PDE1C: variants seen among roughly 807,000 people sequenced by gnomAD.
PDE1C encodes dual specificity calcium/calmodulin-dependent 3',5'-cyclic nucleotide phosphodiesterase 1C.
PDE1C carries 62 observed loss-of-function variants against 93.1 expected under a neutral mutation model. The observed-to-expected ratio is 0.67, with a 90% confidence interval of 0.54 to 0.82. The LOEUF is 0.82. Ranked by LOEUF, PDE1C falls within the 40% of genes least tolerant of loss-of-function variation. The pLI, the probability that PDE1C is intolerant of heterozygous loss-of-function variation, is 0.00. For synonymous variants in PDE1C, 325 were observed against 310.1 expected, an observed-to-expected ratio of 1.05 and a Z score of -0.50; for missense variants, 742 against 884.6, an observed-to-expected ratio of 0.84 and a Z score of 2.04.
chr7:31,971,833 T>A (rs1338347683), intron 2 of PDE1C, among the ~76,000 whole-genome samples: 3 of 152,144 alleles, frequency 2.0e-5, no homozygotes, highest in African/African-American at 4.8e-5. Flanking sequence ...CAACAGGAGA[T>A]CCCTCTCTCA....
At chr7:32,102,323 G>A (rs1333856324) in intron 3 of PDE1C, among the ~76,000 whole-genome samples, 1 of 152,162 alleles carries the variant, frequency 6.6e-6, no homozygotes, top group Admixed American at 6.5e-5. Flanking sequence ...AAACCTCAAA[G>A]AACATCATCC....
the PDE1C span, among the ~76,000 whole-genome samples, chr7:31,724,854 G>A: frequency 6.6e-6 from 1 of 152,132 alleles, no homozygotes; most frequent in Non-Finnish European, 1.5e-5. Flanking sequence ...ACTGTTTTGG[G>A]ACCGCCCTTT....
At chr7:32,036,664 C>A (rs373583957) in intron 2 of PDE1C, among the ~76,000 whole-genome samples, 8 of 152,214 alleles carry the variant, frequency 5.3e-5, no homozygotes, top group African/African-American at 1.9e-4. Context: ...AAAAAGATGG[C>A]AAGCAACATT....
the PDE1C span, among the ~76,000 whole-genome samples, chr7:31,712,660 ATGC>A: frequency 3.3e-5 from 5 of 152,142 alleles, no homozygotes; most frequent in African/African-American, 4.8e-5. Context: ...GTCCCTTTTC[ATGC>A]TGCTAATGAA....
At chr7:32,027,489 G>C (rs1789597193) in intron 2 of PDE1C, among the ~76,000 whole-genome samples, 2 of 148,212 alleles carry the variant, frequency 1.3e-5, no homozygotes, top group African/African-American at 5.0e-5. Flanking sequence ...TAGCATTCTA[G>C]AAGAATGCTA....
intron 2 of PDE1C, among the ~76,000 whole-genome samples, chr7:32,040,361 G>T (rs752333146): frequency 3.3e-5 from 5 of 152,150 alleles, no homozygotes; most frequent in Non-Finnish European, 7.4e-5. Context: ...CTTTGTTGTG[G>T]TGGAAATGTT....
intron 16 of PDE1C, among the ~76,000 whole-genome samples, chr7:31,776,113 A>T (rs1782942338): frequency 6.6e-6 from 1 of 152,226 alleles, no homozygotes; most frequent in Non-Finnish European, 1.5e-5. Flanking sequence ...ATGTGCATCC[A>T]GGATGGAACA....
chr7:31,976,628 G>A, intron 2 of PDE1C, among the ~76,000 whole-genome samples: 1 of 151,154 alleles, frequency 6.6e-6, no homozygotes, highest in Non-Finnish European at 1.5e-5. Context: ...CTGAATCTGT[G>A]CAGCCCACTG....
intron 2 of PDE1C, among the ~76,000 whole-genome samples, chr7:32,037,537 A>C (rs1791272340): frequency 6.6e-6 from 1 of 152,280 alleles, no homozygotes; most frequent in African/African-American, 2.4e-5. Context: ...ACCTTTCCAC[A>C]TCTGGCTGTT....
At chr7:31,889,291 T>C (rs1005794255) in intron 2 of PDE1C, among the ~76,000 whole-genome samples, 3 of 151,992 alleles carry the variant, frequency 2.0e-5, no homozygotes, top group Non-Finnish European at 4.4e-5. Flanking sequence ...CTATTCCAAC[T>C]CTCTTCCTTT....
intron 1 of PDE1C, among the ~76,000 whole-genome samples, chr7:32,403,138 A>G (rs927997859): frequency 6.6e-6 from 1 of 152,178 alleles, no homozygotes; most frequent in Admixed American, 6.5e-5. Flanking sequence ...CGAATTTCTA[A>G]AAGCATTTCA....
intron 14 of PDE1C, 102 bp downstream of exon 14, chr7:31,822,971 T>C: frequency 2.1e-6 from 2 of 931,398 alleles, no homozygotes; most frequent in African/African-American, 1.7e-5. Flanking sequence ...GCAATTTGAA[T>C]CTGCATCCTG....
At chr7:31,984,392 T>C (rs1783098116) in intron 2 of PDE1C, among the ~76,000 whole-genome samples, 1 of 152,158 alleles carries the variant, frequency 6.6e-6, no homozygotes, top group East Asian at 1.9e-4. Context: ...CAAAATTGTC[T>C]TCCACAAAAT....
chr7:32,206,463 C>T (rs1014106037), intron 2 of PDE1C, among the ~76,000 whole-genome samples: 1 of 152,106 alleles, frequency 6.6e-6, no homozygotes, highest in African/African-American at 2.4e-5. Context: ...TGGAGGGCAG[C>T]TTCACCAGCA....
chr7:32,348,640 G>T (rs571183027), intron 1 of PDE1C, among the ~76,000 whole-genome samples: 1 of 152,222 alleles, frequency 6.6e-6, no homozygotes, highest in South Asian at 2.1e-4. Flanking sequence ...TGGGATTACA[G>T]GCATGAGCCA....
intron 1 of PDE1C, among the ~76,000 whole-genome samples, chr7:32,292,895 C>T (rs1418436287): frequency 6.6e-6 from 1 of 152,208 alleles, no homozygotes; most frequent in Admixed American, 6.5e-5. Flanking sequence ...CTGTGTGGCT[C>T]CGGAAAGTGC....
chr7:31,846,358 T>G lies in PDE1C; in HGVS notation c.980+1610A>C, dbSNP rs534136944. The stretch of plus-strand genomic sequence containing the variant: ...ACAACCATCTGATCTTTGAAAAGCC[T>G]GACAAAAACAAGCTATGGGGAAAGG... On this transcript the variant is annotated intron_variant, in intron 9 of 17. Transcript: ENST00000396191. Among the ~76,000 whole-genome samples, 742 of 151,452 alleles carry G rather than the reference T, an allele frequency of 4.9e-3. 7 individuals carry two copies. Among genetic ancestry groups the G allele is most frequent in the African/African-American group, 0.014 (591 of 41,302 alleles).
At chr7:31,864,042 T>C (rs1244046612) in intron 7 of PDE1C, among the ~76,000 whole-genome samples, 1 of 152,210 alleles carries the variant, frequency 6.6e-6, no homozygotes, top group Admixed American at 6.5e-5. Context: ...AGTATGTCTA[T>C]CTTAATGCCA....
intron 1 of PDE1C, among the ~76,000 whole-genome samples, chr7:32,210,125 C>T (rs900533600): frequency 6.6e-6 from 1 of 152,208 alleles, no homozygotes; most frequent in African/African-American, 2.4e-5. Context: ...CTCAGCAGGG[C>T]AGGCTACCTC....
Sources: allele counts gnomAD v4.1 joint callset (sites outside exome capture counted in the v4.1 genomes callset), GRCh38; gene constraint gnomAD v4.1.1; transcripts MANE v1.5; gene names NCBI Gene and HGNC (gene_info 2026-07-23, HGNC 2026-07-21).